The following C1orf174 variants were observed in gnomAD, a reference collection of about 807,000 sequenced individuals.
The protein encoded by C1orf174 is chromosome 1 open reading frame 174.
C1orf174 carries 13 observed loss-of-function variants against 18.4 expected under a neutral mutation model. The ratio of observed to expected loss-of-function variants is 0.71; its 90% confidence interval spans 0.46 to 1.12. The LOEUF (loss-of-function observed/expected upper bound fraction) is 1.12. Ranked by LOEUF, C1orf174 falls within the 50% of genes most tolerant of loss-of-function variation. The pLI is 0.00. For synonymous variants in C1orf174, 100 were observed against 118.3 expected (o/e 0.85, Z 1.01); for missense variants, 309 against 308.0 (o/e 1.00, Z -0.02).
Position 3,900,224 on chromosome 1 carries a change from C to G in C1orf174, c.-38G>C. ...CGCAGCCAAGCACCGCGCGCCCCGG[C>G]CAACGCGTCCCGGCGGAGCGGCGAC... On this transcript the variant is annotated 5_prime_UTR_variant, in exon 1 of 4. Transcript: ENST00000361605. 6.4e-7 allele frequency: 1 copy of G among 1,554,928 alleles called. No individual in the cohort carries two copies. Among genetic ancestry groups the G allele is most frequent in the Admixed American group, 1.9e-5 (1 of 52,520 alleles).
At chr1:3,891,236 C>T in intron 2 of C1orf174, 179 bp from the exon 3 acceptor site, 2 of 741,510 alleles carry the variant, frequency 2.7e-6, no homozygotes, top group South Asian at 3.8e-5. Context: ...GAGACTGAAT[C>T]TAGACACACC....
intron 1 of C1orf174, among the ~76,000 whole-genome samples, chr1:3,896,602 G>A (rs979049827): frequency 4.6e-5 from 7 of 152,230 alleles, no homozygotes; most frequent in African/African-American, 1.4e-4. Flanking sequence ...TTCAAGTACC[G>A]TGGATGCTGT....
At position 3,890,981 on chromosome 1, in the gene C1orf174, G is replaced by A. The variant is rs746131921; in HGVS notation, c.206C>T (p.Ser69Leu). 4 of 1,614,074 alleles carry A rather than the reference G, an allele frequency of 2.5e-6. No homozygotes were observed. Among genetic ancestry groups the A allele is most frequent in the African/African-American group, 1.3e-5 (1 of 74,922 alleles). Residue 69 changes from serine to leucine, a missense_variant, in exon 3 of 4, where the codon TCA becomes TTA. By Grantham distance (145) the Ser-to-Leu change is moderately radical (BLOSUM62 -2). Transcript: ENST00000361605. ...FKCDKGHLVK[S>L]ELQKLVPKND... ...CTTAGGGACAAGCTTCTGTAATTCT[G>A]ACTTCACAAGATGTCCTTTGTCACA...
chr1:3,893,258 C>T (rs898597482), intron 1 of C1orf174, among the ~76,000 whole-genome samples: 59 of 152,176 alleles, frequency 3.9e-4, no homozygotes, highest in African/African-American at 1.4e-3. Flanking sequence ...CTAGTAGCCA[C>T]CATTTGTCCT....
chr1:3,896,225 C>G (rs1638603478), intron 1 of C1orf174: 2 of 152,722 alleles, frequency 1.3e-5, no homozygotes, highest in Non-Finnish European at 2.9e-5. Context: ...GAAGAGGGGC[C>G]CTCCTTTCTG....
In C1orf174 at chr1:3,898,532, AAC is replaced by A. The variant is rs796920563; in HGVS notation, c.15+1638_15+1639del. 6.6e-3 allele frequency among the ~76,000 whole-genome samples: 985 copies of A among 149,752 alleles called. 14 individuals are homozygous for A. The highest frequency in any genetic ancestry group is 0.024 in the African/African-American group (946 of 39,540). ...TCAAAGCAAAAACAACAACAACAAC[AAC>A]AACAACAACAACAACAACAAAACTC... On this transcript the variant is annotated intron_variant, in intron 1 of 3. Coordinates refer to ENST00000361605, the MANE Select transcript of C1orf174 (RefSeq NM_207356.3).
chr1:3,891,132 T>G, intron 2 of C1orf174, 75 bp from the exon 3 acceptor site: 1 of 1,474,394 alleles, frequency 6.8e-7, no homozygotes, highest in Non-Finnish European at 9.0e-7. Context: ...GAGGCTAGTA[T>G]TTCTTCTCAC....
At chr1:3,891,096 T>C (rs780203891) in intron 2 of C1orf174, 39 bp from the exon 3 acceptor site, 1 of 1,567,762 alleles carries the variant, frequency 6.4e-7, no homozygotes, top group Non-Finnish European at 8.6e-7. Context: ...CAGACATATC[T>C]AGCAAATAAA....
In C1orf174 at chr1:3,889,808, T is replaced by G. The variant is rs1638468445; in HGVS notation, c.*152A>C. ...CCATGAGTACATCCTCCACAGGTAT[T>G]GGGTGCTTTGCACTATTGACTTAGA... On this transcript the variant is annotated 3_prime_UTR_variant, in exon 4 of 4. Transcript: ENST00000361605. The G allele has an allele frequency of 1.4e-6, 1 of 723,658 alleles. No homozygotes were observed. The allele number at this position is 723,658 out of a possible 1,614,324, so 44.8% of individuals were successfully genotyped here.
chr1:3,895,479 G>T (rs545800923), intron 1 of C1orf174: 1 of 152,312 alleles, frequency 6.6e-6, no homozygotes, highest in South Asian at 2.1e-4. Flanking sequence ...GGACCTTTTG[G>T]CCCCTTCTGC....
At chr1:3,891,279 G>C (rs1463222543) in intron 2 of C1orf174, 2 of 570,902 alleles carry the variant, frequency 3.5e-6, no homozygotes, top group Non-Finnish European at 3.0e-6. Context: ...GTTTTCCCTA[G>C]TGGCGTTACA....
Position 3,900,211 on chromosome 1 carries a change from C to T in C1orf174, c.-25G>A. 6.4e-7 allele frequency: 1 copy of T among 1,567,726 alleles called. No individual in the cohort carries two copies. Among genetic ancestry groups the T allele is most frequent in the Non-Finnish European group, 8.6e-7 (1 of 1,167,726 alleles). The stretch of plus-strand genomic sequence containing the variant: ...TGAGTGTGAGCACCGCAGCCAAGCA[C>T]CGCGCGCCCCGGCCAACGCGTCCCG... On this transcript the variant is annotated 5_prime_UTR_variant, in exon 1 of 4. In the 5' UTR this introduces an upstream ATG that the reference lacks. Coordinates refer to ENST00000361605, the MANE Select transcript of C1orf174 (RefSeq NM_207356.3).
rs750230479 is a variant in C1orf174, at chr1:3,889,533, A to C, written c.*427T>G. On this transcript the variant is annotated 3_prime_UTR_variant, in exon 4 of 4. Transcript: ENST00000361605. ...ACGTGGAGAAACCCCCGTGTCTACT[A>C]ATAATACAAAAACTAGCTGGGTGTG... The C allele has an allele frequency of 1.9e-5, 3 of 161,888 alleles. No homozygotes were observed. Among genetic ancestry groups the C allele is most frequent in the African/African-American group, 4.8e-5 (2 of 41,574 alleles). 10.0% of individuals were successfully genotyped at this position (161,888 alleles called of 1,614,324 possible).
intron 3 of C1orf174, 118 bp from the exon 4 acceptor site, chr1:3,890,191 G>T: frequency 1.3e-6 from 1 of 774,158 alleles, no homozygotes; most frequent in Non-Finnish European, 2.1e-6. Context: ...TTTTAGACGT[G>T]TGAAAATGCC....
chr1:3,891,215 A>G, intron 2 of C1orf174, 158 bp from the exon 3 acceptor site: 2 of 935,328 alleles, frequency 2.1e-6, no homozygotes, highest in Non-Finnish European at 3.1e-6. Context: ...ACCAAGGGAC[A>G]AAATACAAGC....
intron 1 of C1orf174, among the ~76,000 whole-genome samples, chr1:3,893,292 A>T (rs1262803865): frequency 6.6e-6 from 1 of 152,210 alleles, no homozygotes; most frequent in Non-Finnish European, 1.5e-5. Flanking sequence ...AGTCAACTTC[A>T]AAGTGTTTAG....
intron 1 of C1orf174, among the ~76,000 whole-genome samples, chr1:3,899,440 G>T (rs977219409): frequency 2.6e-5 from 4 of 152,112 alleles, no homozygotes; most frequent in Admixed American, 2.6e-4. Context: ...ACTGTGAAAA[G>T]GGTCCTTCGC....
chr1:3,892,546 C>A (rs59232452), intron 2 of C1orf174: 26,958 of 89,608 alleles, frequency 0.3, 5,274 homozygotes, highest in Non-Finnish European at 0.38. Context: ...GTGCTAGGAT[C>A]AGGGCCCGGG....
chr1:3,899,756 T>C (rs574763231), intron 1 of C1orf174, among the ~76,000 whole-genome samples: 1 of 151,052 alleles, frequency 6.6e-6, no homozygotes, highest in African/African-American at 2.4e-5. Flanking sequence ...GGGAGCCCCC[T>C]GTTGCCCAGG....
Sources: allele counts gnomAD v4.1 joint callset (sites outside exome capture counted in the v4.1 genomes callset), GRCh38; gene constraint gnomAD v4.1.1; transcripts MANE v1.5; gene names NCBI Gene and HGNC (gene_info 2026-07-23, HGNC 2026-07-21).